GPR137B: variants seen among roughly 807,000 people sequenced by gnomAD.
GPR137B encodes G protein-coupled receptor 137B.
A neutral mutation model predicts 42.5 loss-of-function variants in GPR137B; 42 were observed. The observed-to-expected ratio is 0.99, with a 90% CI of 0.77 to 1.28. The LOEUF is 1.28. Among genes scored for constraint, GPR137B ranks in the 50% most tolerant of loss-of-function variants. GPR137B has a pLI of 0.00. For missense variants in GPR137B, 487 were observed against 493.9 expected (o/e 0.99, Z 0.13); for synonymous variants, 218 against 209.7 (o/e 1.04, Z -0.34).
intron 1 of GPR137B, among the ~76,000 whole-genome samples, chr1:236,145,009 G>A (rs1381264364): frequency 5.3e-5 from 8 of 152,340 alleles, no homozygotes; most frequent in Non-Finnish European, 4.4e-5. Flanking sequence ...TCCGGCCCAG[G>A]GGCCCAAAGT....
chr1:236,180,050 G>A (rs1342483172), intron 4 of GPR137B, 22 bp downstream of exon 4: 3 of 1,606,756 alleles, frequency 1.9e-6, no homozygotes, highest in South Asian at 2.2e-5. Context: ...CGCTGAGGAG[G>A]TGTCACCTGA....
Position 236,178,785 on chromosome 1 carries a change from GTTTTTTTTT to G in GPR137B, c.687+171_687+179del, listed in dbSNP as rs3082534. 9.6e-3 allele frequency: 473 copies of G among 49,440 alleles called. 6 individuals are homozygous for G. Among genetic ancestry groups the G allele is most frequent in the South Asian group, 0.029 (97 of 3,370 alleles). The allele number at this position is 49,440 out of a possible 1,614,324, so 3.1% of individuals were successfully genotyped here. A position where few individuals can be genotyped will look rare whatever the true frequency, so the allele number is the denominator to read the frequency against. On this transcript the variant is annotated intron_variant, in intron 3 of 6. Transcript: ENST00000366592. Reference sequence around the variant, plus strand: ...GTCTCCCACACAGGGGCTACTCGAGGTTTTTTTTTTTTTTTTTTTTTTTTTTTTTTGAGA... The same window carrying G: ...GTCTCCCACACAGGGGCTACTCGAGGTTTTTTTTTTTTTTTTTTTTTGAGA...
Position 236,208,429 on chromosome 1 carries a change from A to T in GPR137B, c.*271A>T. On this transcript the variant is annotated 3_prime_UTR_variant, in exon 7 of 7. Coordinates refer to ENST00000366592, the MANE Select transcript of GPR137B (RefSeq NM_003272.4). Reference sequence around the variant, plus strand: ...TATAAAGATGTATTTTGTATAACTTAAATAATAATGCTAAAGTATACTAGG... The same window carrying T: ...TATAAAGATGTATTTTGTATAACTTTAATAATAATGCTAAAGTATACTAGG... 2.0e-6 allele frequency: 2 copies of T among 988,634 alleles called. No homozygotes were observed. Among genetic ancestry groups the T allele is most frequent in the East Asian group, 7.9e-5 (2 of 25,204 alleles). The allele number at this position is 988,634 out of a possible 1,614,324, so 61.2% of individuals were successfully genotyped here.
At chr1:236,148,806 G>C (rs1244261186) in intron 1 of GPR137B, among the ~76,000 whole-genome samples, 1 of 152,134 alleles carries the variant, frequency 6.6e-6, no homozygotes, top group African/African-American at 2.4e-5. Flanking sequence ...CACTAGGCCA[G>C]CAAAGCCTTA....
intron 5 of GPR137B, among the ~76,000 whole-genome samples, chr1:236,194,227 T>A (rs1226236499): frequency 2.4e-5 from 3 of 127,422 alleles, no homozygotes; most frequent in African/African-American, 7.0e-5. Flanking sequence ...TGTAACCTCA[T>A]CATAATTTTG....
At position 236,157,115 on chromosome 1, in the gene GPR137B, C is replaced by T. The variant is rs1394974062; in HGVS notation, c.415-11591C>T. On this transcript the variant is annotated intron_variant, in intron 1 of 6. Transcript: ENST00000366592. ...GGCTGGTGTTATTAGTCTCATTTTA[C>T]AGGTGAGGTACTTGAGGCACAGAGC... Among the ~76,000 whole-genome samples, 3 of 152,108 alleles carry T rather than the reference C, an allele frequency of 2.0e-5. No individual in the cohort carries two copies. The East Asian group carries it at 5.8e-4, about 29-fold the overall frequency.
At chr1:236,177,896 C>CATG (rs1481165593) in intron 2 of GPR137B, among the ~76,000 whole-genome samples, 1 of 151,846 alleles carries the variant, frequency 6.6e-6, no homozygotes, top group African/African-American at 2.4e-5. Flanking sequence ...GCTCTCTGGA[C>CATG]TCCACATCAA....
intron 1 of GPR137B, among the ~76,000 whole-genome samples, chr1:236,152,540 C>T (rs1661898662): frequency 6.6e-6 from 1 of 151,104 alleles, no homozygotes. Context: ...GGTGGATCAT[C>T]TGAGGTCAGT....
intron 1 of GPR137B, among the ~76,000 whole-genome samples, chr1:236,166,849 A>G (rs1417125820): frequency 6.6e-6 from 1 of 151,952 alleles, no homozygotes; most frequent in Non-Finnish European, 1.5e-5. Flanking sequence ...GAGGCCTCAC[A>G]CTATATTGGT....
At position 236,169,221 on chromosome 1, in the gene GPR137B, TACA is replaced by T. The variant is rs1336548093; in HGVS notation, c.464+467_464+469del. 1.3e-3 allele frequency among the ~76,000 whole-genome samples: 185 copies of T among 142,432 alleles called. No homozygotes were observed. In the Middle Eastern group the frequency reaches 0.024, roughly 19 times the overall value. 93.4% of individuals were successfully genotyped at this position (142,432 alleles called of 152,430 possible). A position where few individuals can be genotyped will look rare whatever the true frequency, so the allele number is the denominator to read the frequency against. On this transcript the variant is annotated intron_variant, in intron 2 of 6. Transcript: ENST00000366592. ...GTGCAGGTGCAGGTGCAGGTACAGG[TACA>T]GGTACAGGTGCAGGTGCAGGTGCAG... is the stretch of plus-strand genomic sequence containing the variant.
chr1:236,172,390 C>T (rs1662563167), intron 2 of GPR137B, among the ~76,000 whole-genome samples: 1 of 152,228 alleles, frequency 6.6e-6, no homozygotes, highest in Non-Finnish European at 1.5e-5. Context: ...AAACTTTCCA[C>T]TCCAATCTAT....
chr1:236,184,052 C>T lies in GPR137B; in HGVS notation c.966+146C>T, dbSNP rs1662955315. 1.1e-5 allele frequency: 6 copies of T among 560,948 alleles called. No individual in the cohort carries two copies. In the East Asian group the frequency reaches 1.8e-4, roughly 17 times the overall value. 34.7% of individuals were successfully genotyped at this position (560,948 alleles called of 1,614,324 possible). On this transcript the variant is annotated intron_variant, in intron 5 of 6. Transcript: ENST00000366592. ...AGTTTCCTTGACTATTTTATTGAGA[C>T]ATTCATTTCCCTTATCTTTTGAGGG...
chr1:236,149,192 T>C (rs1429309800), intron 1 of GPR137B, among the ~76,000 whole-genome samples: 1 of 152,106 alleles, frequency 6.6e-6, no homozygotes, highest in Non-Finnish European at 1.5e-5. Flanking sequence ...AACAGCAGCT[T>C]TTCTGTTTGT....
chr1:236,151,597 T>C (rs34370366), intron 1 of GPR137B, among the ~76,000 whole-genome samples: 6 of 151,940 alleles, frequency 3.9e-5, no homozygotes, highest in African/African-American at 7.3e-5. Context: ...CTAATTTTTG[T>C]ATTTTTAGTA....
chr1:236,190,867 C>G (rs187628774), intron 5 of GPR137B, among the ~76,000 whole-genome samples: 2 of 152,136 alleles, frequency 1.3e-5, no homozygotes. Flanking sequence ...CTCTGTATTT[C>G]CTGAATTTGA....
intron 2 of GPR137B, among the ~76,000 whole-genome samples, chr1:236,173,442 G>A (rs1662605519): frequency 6.6e-6 from 1 of 151,104 alleles, no homozygotes; most frequent in African/African-American, 2.4e-5. Flanking sequence ...AGGGAAGGAG[G>A]AAGAAAGGAA....
intron 5 of GPR137B, among the ~76,000 whole-genome samples, chr1:236,189,320 C>T (rs1326727536): frequency 1.3e-5 from 2 of 152,054 alleles, no homozygotes; most frequent in Non-Finnish European, 2.9e-5. Context: ...GTCTCTATCT[C>T]CTTCAGCTCT....
chr1:236,145,032 C>T (rs547730513), intron 1 of GPR137B, among the ~76,000 whole-genome samples: 10 of 152,358 alleles, frequency 6.6e-5, no homozygotes, highest in African/African-American at 2.2e-4. Flanking sequence ...CGGCCCTGTA[C>T]TCTTTATATC....
intron 2 of GPR137B, among the ~76,000 whole-genome samples, chr1:236,178,160 A>G (rs1422250901): frequency 6.6e-6 from 1 of 152,174 alleles, no homozygotes; most frequent in East Asian, 1.9e-4. Context: ...CACGCCAGCC[A>G]ACGAGTGTGA....
Sources: gnomAD v4.1 joint callset for allele counts (sites outside exome capture counted in the v4.1 genomes callset) on GRCh38, gnomAD v4.1.1 for gene constraint, MANE v1.5 for transcripts, NCBI Gene and HGNC (gene_info 2026-07-23, HGNC 2026-07-21) for gene names.